NFATC2: variants seen among roughly 807,000 people sequenced by gnomAD.
NFATC2 encodes nuclear factor of activated T-cells, cytoplasmic 2.
Under a neutral mutation model 87.3 loss-of-function variants are expected in NFATC2, and 22 were observed. The ratio of observed to expected loss-of-function variants is 0.25; its 90% CI spans 0.18 to 0.36. The LOEUF is 0.36. Ranked by LOEUF, NFATC2 falls within the 10% of genes least tolerant of loss-of-function variation. The pLI is 1.00. For synonymous variants in NFATC2, 565 were observed against 542.2 expected (o/e 1.04, Z -0.58); for missense variants, 1,149 against 1,259.1 (o/e 0.91, Z 1.32).
At chr20:51,408,334 G>A (rs149618061) in intron 9 of NFATC2, among the ~76,000 whole-genome samples, 3,703 of 151,652 alleles carry the variant, frequency 0.024, 151 homozygotes, top group African/African-American at 0.086. Flanking sequence ...GCCAACATAG[G>A]GAAACCCCAT....
chr20:51,522,573 CT>C (rs10648166), intron 2 of NFATC2, among the ~76,000 whole-genome samples: 6,315 of 145,376 alleles, frequency 0.043, 151 homozygotes, highest in South Asian at 0.069. Context: ...TCACATATTT[CT>C]TTTTTTTTTT....
intron 1 of NFATC2, among the ~76,000 whole-genome samples, chr20:51,561,072 T>G (rs2146851824): frequency 6.6e-6 from 1 of 152,240 alleles, no homozygotes; most frequent in East Asian, 1.9e-4. Context: ...TTTCTCGCCC[T>G]TAATATATCT....
intron 3 of NFATC2, among the ~76,000 whole-genome samples, chr20:51,477,535 CTATATATATATATATATATATA>C (rs11467129): frequency 7.0e-4 from 51 of 72,726 alleles, no homozygotes; most frequent in South Asian, 5.2e-3. Flanking sequence ...GTGTGTGTGT[CTATATATATATATATATATATA>C]TATATATATA....
At chr20:51,447,539 T>A (rs935881754) in intron 6 of NFATC2, among the ~76,000 whole-genome samples, 1 of 152,014 alleles carries the variant, frequency 6.6e-6, no homozygotes, top group Admixed American at 6.5e-5. Context: ...GCGCAGCGAG[T>A]CGCTCAAAGC....
Position 51,486,210 on chromosome 20 carries a change from C to CA in NFATC2, c.1333-10551dup, listed in dbSNP as rs1295285431. ...TGGGTGACAGAGCGAGACACTGCCT[C>CA]AAACAAAAAAAAGAAGAAGAAAATC... On this transcript the variant is annotated intron_variant, in intron 3 of 10. Transcript: ENST00000371564. Among the ~76,000 whole-genome samples, 1,109 of 145,978 alleles carry CA rather than the reference C, an allele frequency of 7.6e-3. 11 individuals are homozygous for CA. The highest frequency in any genetic ancestry group is 0.024 in the African/African-American group (941 of 39,562).
rs1158631248 is a variant in NFATC2, at chr20:51,488,030, C to T, written c.1333-12370G>A. Among the ~76,000 whole-genome samples, 4 of 152,080 alleles carry T rather than the reference C, an allele frequency of 2.6e-5. No individual in the cohort carries two copies. In the East Asian group the frequency reaches 7.7e-4, roughly 29 times the overall value. On this transcript the variant is annotated intron_variant, in intron 3 of 10. Transcript: ENST00000371564. ...ATCAACAAAACGCATCATTCAGGAA[C>T]AAGGGGCCCGTTCTTATGTGGAGCG...
chr20:51,513,546 C>G (rs2076305074), intron 3 of NFATC2, among the ~76,000 whole-genome samples: 1 of 152,208 alleles, frequency 6.6e-6, no homozygotes, highest in Admixed American at 6.5e-5. Flanking sequence ...TCCTTGGGAG[C>G]TATCAGAGGG....
chr20:51,490,742 C>A (rs1324389927), intron 3 of NFATC2, among the ~76,000 whole-genome samples: 1 of 151,946 alleles, frequency 6.6e-6, no homozygotes, highest in Non-Finnish European at 1.5e-5. Context: ...GTTATTTGAG[C>A]CCGGGAGTTT....
At chr20:51,533,831 AG>A (rs1161233066) in intron 1 of NFATC2, among the ~76,000 whole-genome samples, 1 of 152,242 alleles carries the variant, frequency 6.6e-6, no homozygotes, top group Non-Finnish European at 1.5e-5. Context: ...GCTTTTGGAT[AG>A]GGGTGGAGAA....
intron 3 of NFATC2, among the ~76,000 whole-genome samples, chr20:51,506,268 T>TC (rs1288433718): frequency 6.6e-6 from 1 of 152,210 alleles, no homozygotes; most frequent in Non-Finnish European, 1.5e-5. Context: ...AGCCTTGGTT[T>TC]CCTCATTCAC....
At chr20:51,412,276 G>A (rs576579553) in intron 9 of NFATC2, among the ~76,000 whole-genome samples, 1 of 152,210 alleles carries the variant, frequency 6.6e-6, no homozygotes, top group African/African-American at 2.4e-5. Flanking sequence ...ACACAGCTGG[G>A]GGTGATTGGA....
chr20:51,466,249 C>T (rs1160843148), intron 5 of NFATC2, among the ~76,000 whole-genome samples: 3 of 152,188 alleles, frequency 2.0e-5, no homozygotes, highest in African/African-American at 7.2e-5. Flanking sequence ...GACGGGGTTT[C>T]GCCATGTTGG....
chr20:51,411,231 C>G (rs1357610720), intron 9 of NFATC2, among the ~76,000 whole-genome samples: 1 of 152,148 alleles, frequency 6.6e-6, no homozygotes, highest in South Asian at 2.1e-4. Context: ...TGATTTGCAT[C>G]CAGAAGTTCT....
chr20:51,454,257 A>T (rs2146426675), intron 6 of NFATC2, among the ~76,000 whole-genome samples: 1 of 152,318 alleles, frequency 6.6e-6, no homozygotes, highest in South Asian at 2.1e-4. Flanking sequence ...AAAAAGTTTT[A>T]AAAATTTCCT....
intron 5 of NFATC2, among the ~76,000 whole-genome samples, chr20:51,468,335 G>A (rs1176414977): frequency 6.6e-6 from 1 of 152,038 alleles, no homozygotes; most frequent in Non-Finnish European, 1.5e-5. Flanking sequence ...ATATATATAT[G>A]TCACAAAGAG....
intron 6 of NFATC2, among the ~76,000 whole-genome samples, chr20:51,450,611 G>C (rs914697779): frequency 2.0e-4 from 30 of 152,310 alleles, no homozygotes; most frequent in African/African-American, 7.0e-4. Context: ...TTTACAGACA[G>C]GGAAGCTGAG....
chr20:51,519,999 T>C (rs1415772103), intron 2 of NFATC2, among the ~76,000 whole-genome samples: 1 of 151,952 alleles, frequency 6.6e-6, no homozygotes. Context: ...CTCTGCTGAG[T>C]TGCCTGTATA....
At chr20:51,557,755 T>C (rs2076990615) in intron 1 of NFATC2, among the ~76,000 whole-genome samples, 1 of 152,210 alleles carries the variant, frequency 6.6e-6, no homozygotes, top group African/African-American at 2.4e-5. Flanking sequence ...CACTCATTCC[T>C]AACTCATTCA....
intron 3 of NFATC2, among the ~76,000 whole-genome samples, chr20:51,506,693 G>A (rs968739844): frequency 1.3e-5 from 2 of 152,166 alleles, no homozygotes; most frequent in Non-Finnish European, 2.9e-5. Context: ...CTGGTGACAC[G>A]GACACTCCTA....
Sources: allele counts gnomAD v4.1 joint callset (sites outside exome capture counted in the v4.1 genomes callset), GRCh38; gene constraint gnomAD v4.1.1; transcripts MANE v1.5; gene names NCBI Gene and HGNC (gene_info 2026-07-23, HGNC 2026-07-21).